Variants in CCSER1 observed in about 807,000 individuals in gnomAD.
The protein encoded by CCSER1 is serine-rich coiled-coil domain-containing protein 1.
In CCSER1, 41 loss-of-function variants were observed where a neutral mutation model predicts 82.0. The ratio of observed to expected loss-of-function variants is 0.50; its 90% CI spans 0.39 to 0.65. The LOEUF is 0.65. Ranked by LOEUF, CCSER1 falls within the 30% of genes least tolerant of loss-of-function variation. The pLI is 0.00. For missense variants in CCSER1, 1,119 were observed against 1,064.2 expected, an observed-to-expected ratio of 1.05 and a Z score of -0.72; for synonymous variants, 414 against 383.9, an observed-to-expected ratio of 1.08 and a Z score of -0.92.
chr4:91,437,444 C>T (rs1214780682), intron 10 of CCSER1, among the ~76,000 whole-genome samples: 2 of 152,094 alleles, frequency 1.3e-5, no homozygotes, highest in Non-Finnish European at 2.9e-5. Flanking sequence ...AATAAATGGA[C>T]CTCCAGAGCC....
intron 5 of CCSER1, among the ~76,000 whole-genome samples, chr4:90,596,842 T>G (rs6821175): frequency 0.45 from 68,164 of 151,622 alleles, 19,438 homozygotes; most frequent in African/African-American, 0.81. Context: ...TTTTAAAAAT[T>G]TCAAGTGTAC....
At chr4:90,915,891 T>A (rs1257858367) in intron 8 of CCSER1, among the ~76,000 whole-genome samples, 1 of 151,892 alleles carries the variant, frequency 6.6e-6, no homozygotes, top group Non-Finnish European at 1.5e-5. Flanking sequence ...GAGAGCCAAA[T>A]CATGAGTGAA....
At chr4:90,471,702 G>A (rs947788445) in intron 5 of CCSER1, among the ~76,000 whole-genome samples, 30 of 151,846 alleles carry the variant, frequency 2.0e-4, no homozygotes, top group Non-Finnish European at 2.9e-4. Flanking sequence ...AGGGCTGGAC[G>A]TGGTGACTCA....
chr4:90,912,282 G>C (rs1305796223), intron 8 of CCSER1, among the ~76,000 whole-genome samples: 1 of 152,178 alleles, frequency 6.6e-6, no homozygotes, highest in Non-Finnish European at 1.5e-5. Flanking sequence ...GTACCACTCT[G>C]AGATGAAACT....
chr4:90,612,147 C>CA (rs1191089076), intron 5 of CCSER1, among the ~76,000 whole-genome samples: 11 of 151,898 alleles, frequency 7.2e-5, no homozygotes, highest in African/African-American at 2.4e-4. Context: ...CTTAAAACAA[C>CA]AACAAAAAAA....
chr4:90,213,204 T>A (rs983608303), intron 1 of CCSER1, among the ~76,000 whole-genome samples: 15 of 152,094 alleles, frequency 9.9e-5, no homozygotes, highest in Admixed American at 9.2e-4. Context: ...GAGAGAGTCA[T>A]AAGGAATTGC....
chr4:91,017,650 G>GA (rs1369153903), intron 9 of CCSER1, among the ~76,000 whole-genome samples: 1 of 152,064 alleles, frequency 6.6e-6, no homozygotes, highest in Non-Finnish European at 1.5e-5. Context: ...ATGAGAAGGG[G>GA]AAAAAGTAAA....
At chr4:91,298,257 T>TGGAAATCA (rs1396905604) in intron 10 of CCSER1, among the ~76,000 whole-genome samples, 3 of 152,022 alleles carry the variant, frequency 2.0e-5, no homozygotes, top group African/African-American at 4.8e-5. Flanking sequence ...GCTGCTGAAT[T>TGGAAATCA]GGAAATCAGG....
chr4:90,157,731 C>CT (rs1308253161), intron 1 of CCSER1, among the ~76,000 whole-genome samples: 13 of 152,228 alleles, frequency 8.5e-5, no homozygotes, highest in African/African-American at 3.1e-4. Flanking sequence ...CCATCAGCTC[C>CT]TTTAAGCACT....
chr4:91,483,877 A>G (rs576039226), intron 10 of CCSER1, among the ~76,000 whole-genome samples: 1 of 152,298 alleles, frequency 6.6e-6, no homozygotes, highest in South Asian at 2.1e-4. Context: ...AGGGAACGAT[A>G]ACCCCAAGTT....
At chr4:90,509,198 T>C (rs1419299849) in intron 5 of CCSER1, among the ~76,000 whole-genome samples, 1 of 152,122 alleles carries the variant, frequency 6.6e-6, no homozygotes, top group African/African-American at 2.4e-5. Context: ...TTTTATAGCA[T>C]AAAGTAGGTA....
At chr4:91,491,229 C>T (rs1284916659) in intron 10 of CCSER1, among the ~76,000 whole-genome samples, 1 of 151,744 alleles carries the variant, frequency 6.6e-6, no homozygotes, top group Non-Finnish European at 1.5e-5. Context: ...TAAGTCCTTC[C>T]ACATGGTGCT....
chr4:90,659,959 G>A (rs1287211616), intron 6 of CCSER1, among the ~76,000 whole-genome samples: 1 of 151,456 alleles, frequency 6.6e-6, no homozygotes, highest in Non-Finnish European at 1.5e-5. Context: ...ACACTTTTTA[G>A]TGAGGTTTTT....
chr4:91,354,587 A>G (rs1748696983), intron 10 of CCSER1, among the ~76,000 whole-genome samples: 1 of 152,232 alleles, frequency 6.6e-6, no homozygotes, highest in African/African-American at 2.4e-5. Context: ...TTTGCCTAAG[A>G]CAACTAAACC....
At chr4:90,264,706 A>G (rs1724944641) in intron 1 of CCSER1, among the ~76,000 whole-genome samples, 1 of 151,360 alleles carries the variant, frequency 6.6e-6, no homozygotes, top group South Asian at 2.1e-4. Context: ...TTTATCCTGG[A>G]TGGTTGAGTT....
In CCSER1 at chr4:90,928,420, T is replaced by C. The variant is rs373147691; in HGVS notation, c.2172+4973T>C. Among the ~76,000 whole-genome samples, 20 of 152,212 alleles carry C rather than the reference T, an allele frequency of 1.3e-4. 1 individual carries two copies. In the East Asian group the frequency reaches 3.9e-3, roughly 29 times the overall value. ...TCAACAAATATGACTAAGTCCCCTC[T>C]AGCAGCCAGCTCCATTCTAGGTCCT... is the stretch of plus-strand genomic sequence containing the variant. On this transcript the variant is annotated intron_variant, in intron 9 of 10. Transcript: ENST00000509176.
intron 1 of CCSER1, among the ~76,000 whole-genome samples, chr4:90,167,356 C>A (rs1730666513): frequency 6.6e-6 from 1 of 151,982 alleles, no homozygotes; most frequent in Non-Finnish European, 1.5e-5. Flanking sequence ...AGAATATTGT[C>A]AATAAAGTTG....
chr4:90,718,401 CA>C (rs923823140), intron 6 of CCSER1, among the ~76,000 whole-genome samples: 2 of 152,010 alleles, frequency 1.3e-5, no homozygotes, highest in African/African-American at 4.8e-5. Context: ...ATTATGCTTT[CA>C]GGGGAGGCAT....
chr4:90,547,456 T>G lies in CCSER1; in HGVS notation c.1724+79102T>G, dbSNP rs1237952318. Among the ~76,000 whole-genome samples, 4 of 152,082 alleles carry G rather than the reference T, an allele frequency of 2.6e-5. No individual in the cohort carries two copies. The East Asian group carries it at 7.7e-4, about 29-fold the overall frequency. ...AGAAACATATTAATACACTTTCACT[T>G]TCATTTTTATACTGACATTTTATTT... On this transcript the variant is annotated intron_variant, in intron 5 of 10. Coordinates refer to ENST00000509176, the MANE Select transcript of CCSER1 (RefSeq NM_001145065.2).
Sources: allele counts gnomAD v4.1 joint callset (sites outside exome capture counted in the v4.1 genomes callset), GRCh38; gene constraint gnomAD v4.1.1; transcripts MANE v1.5; gene names NCBI Gene and HGNC (gene_info 2026-07-23, HGNC 2026-07-21).